BBS12: variants seen among roughly 807,000 people sequenced by gnomAD.
BBS12 encodes the protein Bardet-Biedl syndrome 12, also known as chaperonin-containing T-complex member BBS12.
Under a neutral mutation model 5.6 loss-of-function variants are expected in BBS12, and 5 were observed. The ratio of observed to expected loss-of-function variants is 0.89; its 90% CI spans 0.46 to 1.86. The LOEUF is 1.86. Among genes scored for constraint, BBS12 ranks in the 40% most tolerant of loss-of-function variants. The pLI is 0.01. For synonymous variants in BBS12, 308 were observed against 306.8 expected (o/e 1.00, Z -0.04); for missense variants, 748 against 830.4 (o/e 0.90, Z 1.22).
chr4:122,720,035 T>C, the BBS12 span, among the ~76,000 whole-genome samples: 8 of 152,308 alleles, frequency 5.3e-5, no homozygotes, highest in South Asian at 1.7e-3. Flanking sequence ...CTACAATTTT[T>C]CACTCATATC....
chr4:122,727,295 A>G, the BBS12 span, among the ~76,000 whole-genome samples: 1 of 152,090 alleles, frequency 6.6e-6, no homozygotes, highest in Admixed American at 6.5e-5. Context: ...CCCAGGCTGG[A>G]GTGCAGTGGT....
chr4:122,744,090 G>A lies in BBS12; in HGVS notation c.*65G>A. 2 of 1,504,424 alleles carry A rather than the reference G, an allele frequency of 1.3e-6. No homozygotes were observed. The highest frequency in any genetic ancestry group is 2.3e-5 in the East Asian group (1 of 43,908). 93.2% of individuals were successfully genotyped at this position (1,504,424 alleles called of 1,614,324 possible). On this transcript the variant is annotated 3_prime_UTR_variant, in exon 2 of 2. Coordinates refer to ENST00000314218, the MANE Select transcript of BBS12 (RefSeq NM_152618.3). ...ATGTCATGCTAATAATAAATATATTGATAGCCAAGTCATGGTGCCTAAAAT... is the reference window on the plus strand; with the variant it reads ...ATGTCATGCTAATAATAAATATATTAATAGCCAAGTCATGGTGCCTAAAAT...
the BBS12 span, among the ~76,000 whole-genome samples, chr4:122,709,324 A>G: frequency 6.6e-6 from 1 of 152,178 alleles, no homozygotes; most frequent in African/African-American, 2.4e-5. Context: ...GTGTTTCTAA[A>G]AAATTATTAG....
chr4:122,731,304 G>C (rs1465179180), upstream of BBS12: 1 of 152,146 alleles, frequency 6.6e-6, no homozygotes, highest in Non-Finnish European at 1.5e-5. Context: ...CTGAATTAAA[G>C]GCTTCCAAAT....
intron 1 of BBS12, among the ~76,000 whole-genome samples, chr4:122,734,267 T>C (rs1425181845): frequency 1.3e-5 from 2 of 151,744 alleles, no homozygotes; most frequent in Non-Finnish European, 2.9e-5. Flanking sequence ...TTCAAGGTCA[T>C]ACACTTTTTT....
chr4:122,742,942 G>T lies in BBS12; in HGVS notation c.1050G>T (p.Gln350His). ...ATAATCCTGTGATCAAGGAATTGCAGAATCAGCCTGTGCGAATAGTTCTCA... is the reference window on the plus strand; with the variant it reads ...ATAATCCTGTGATCAAGGAATTGCATAATCAGCCTGTGCGAATAGTTCTCA... Reference protein sequence around the residue: ...VSNNPVIKELQNQPVRIVLIE... With the variant: ...VSNNPVIKELHNQPVRIVLIE... Residue 350 changes from glutamine to histidine, a missense_variant, in exon 2 of 2, where the codon CAG (glutamine) becomes CAT (histidine). Physicochemically the swap from Gln to His is conservative, Grantham distance 24. Coordinates refer to ENST00000314218, the MANE Select transcript of BBS12 (RefSeq NM_152618.3). 1 of 1,614,174 alleles carries T rather than the reference G, an allele frequency of 6.2e-7. No homozygotes were observed. Among genetic ancestry groups the T allele is most frequent in the Non-Finnish European group, 8.5e-7 (1 of 1,180,006 alleles).
At chr4:122,737,810 G>A (rs1800805734) in intron 1 of BBS12, among the ~76,000 whole-genome samples, 1 of 152,198 alleles carries the variant, frequency 6.6e-6, no homozygotes, top group South Asian at 2.1e-4. Flanking sequence ...CTGTGGTACT[G>A]GCATAAGGAT....
the BBS12 span, among the ~76,000 whole-genome samples, chr4:122,724,229 CAA>C: frequency 2.0e-5 from 3 of 152,186 alleles, no homozygotes; most frequent in African/African-American, 4.8e-5. Context: ...TTGTTGTAAT[CAA>C]AGTGTCAACT....
At chr4:122,739,769 A>G (rs750494634) in intron 1 of BBS12, among the ~76,000 whole-genome samples, 11 of 152,366 alleles carry the variant, frequency 7.2e-5, no homozygotes, top group South Asian at 4.1e-4. Context: ...AGTGGCAGTC[A>G]GCCACCTCTG....
the BBS12 span, among the ~76,000 whole-genome samples, chr4:122,726,422 A>AAT: frequency 5.0e-3 from 757 of 151,258 alleles, 13 homozygotes; most frequent in Non-Finnish European, 7.4e-3. Context: ...ATCAAAAAAT[A>AAT]ATAGATGTTG....
chr4:122,706,458 G>GGGT, the BBS12 span, among the ~76,000 whole-genome samples: 2 of 152,102 alleles, frequency 1.3e-5, no homozygotes, highest in African/African-American at 2.4e-5. Flanking sequence ...GAGGGATCAG[G>GGGT]GGTAACCAGC....
Position 122,743,512 on chromosome 4 carries a change from T to A in BBS12, c.1620T>A (p.Gly540=), listed in dbSNP as rs1335150440. The change falls in exon 2 of 2, where the codon GGT becomes GGA. Residue 540 remains glycine, a synonymous_variant. Transcript: ENST00000314218. ...AGGAAAAGGTCTTCCTTGGAGGTGGTGCAGTTGAATTTTTGTGTCTTAGCT... is the reference window on the plus strand; with the variant it reads ...AGGAAAAGGTCTTCCTTGGAGGTGGAGCAGTTGAATTTTTGTGTCTTAGCT... ...LKEEKVFLGG[G]AVEFLCLSCL... 3.1e-6 allele frequency: 5 copies of A among 1,614,208 alleles called. No homozygotes were observed. Among genetic ancestry groups the A allele is most frequent in the Non-Finnish European group, 4.2e-6 (5 of 1,180,030 alleles).
chr4:122,744,694 G>A lies in BBS12; in HGVS notation c.*669G>A, dbSNP rs928067525. The A allele has an allele frequency of 2.0e-4, 34 of 167,058 alleles. No homozygotes were observed. The highest frequency in any genetic ancestry group is 6.5e-4 in the African/African-American group (27 of 41,414). 10.3% of individuals were successfully genotyped at this position (167,058 alleles called of 1,614,324 possible). A position where few individuals can be genotyped will look rare whatever the true frequency, so the allele number is the denominator to read the frequency against. On this transcript the variant is annotated 3_prime_UTR_variant, in exon 2 of 2. Transcript: ENST00000314218. ...AGCTACTCTGATTAACCTGACAGTC[G>A]GGTTGTTTAGTCAGTACCAAATTTG...
the BBS12 span, among the ~76,000 whole-genome samples, chr4:122,722,350 G>C: frequency 6.6e-5 from 10 of 152,138 alleles, no homozygotes; most frequent in Non-Finnish European, 1.3e-4. Flanking sequence ...ATTCAGGCAA[G>C]CTAGTCCTCT....
At chr4:122,705,258 T>C in the BBS12 span, among the ~76,000 whole-genome samples, 1 of 152,206 alleles carries the variant, frequency 6.6e-6, no homozygotes, top group South Asian at 2.1e-4. Context: ...ACGTGAGTCA[T>C]ATAAATAGTT....
rs1169832322 is a variant in BBS12 at position 122,744,264 on chromosome 4, G to C, written c.*239G>C. ...ATAAGACACCTGGGTCAGAAACAAA[G>C]GACTTATCGCTCACAGCAAAAGCTG... On this transcript the variant is annotated 3_prime_UTR_variant, in exon 2 of 2. Coordinates refer to ENST00000314218, the MANE Select transcript of BBS12 (RefSeq NM_152618.3). The C allele has an allele frequency of 2.0e-6, 1 of 489,792 alleles. No individual in the cohort carries two copies. Among genetic ancestry groups the C allele is most frequent in the Non-Finnish European group, 3.8e-6 (1 of 264,990 alleles). The allele number at this position is 489,792 out of a possible 1,614,324, so 30.3% of individuals were successfully genotyped here. A position where few individuals can be genotyped will look rare whatever the true frequency, so the allele number is the denominator to read the frequency against.
the BBS12 span, among the ~76,000 whole-genome samples, chr4:122,704,106 T>C: frequency 6.6e-6 from 1 of 152,218 alleles, no homozygotes; most frequent in African/African-American, 2.4e-5. Flanking sequence ...TGCCTCAGCA[T>C]ACCAAAGTGC....
the BBS12 span, among the ~76,000 whole-genome samples, chr4:122,704,618 C>T: frequency 1.3e-5 from 2 of 152,128 alleles, no homozygotes; most frequent in African/African-American, 4.8e-5. Flanking sequence ...CCATTTTCTC[C>T]GTTTTGCTGG....
chr4:122,720,163 T>C, the BBS12 span, among the ~76,000 whole-genome samples: 1 of 152,124 alleles, frequency 6.6e-6, no homozygotes, highest in African/African-American at 2.4e-5. Flanking sequence ...ATAAAGATCA[T>C]TAATGTGTTC....
Sources: allele counts gnomAD v4.1 joint callset (sites outside exome capture counted in the v4.1 genomes callset), GRCh38; gene constraint gnomAD v4.1.1; transcripts MANE v1.5; gene names NCBI Gene and HGNC (gene_info 2026-07-23, HGNC 2026-07-21).